Variants in NCAM2 observed in about 807,000 individuals in gnomAD.
NCAM2 encodes the protein neural cell adhesion molecule 2.
NCAM2 carries 30 observed loss-of-function variants against 98.1 expected under a neutral mutation model. The observed-to-expected ratio is 0.31, with a 90% CI of 0.23 to 0.41. The LOEUF is 0.41. Among genes scored for constraint, NCAM2 ranks in the 10% least tolerant of loss-of-function variants. The probability of loss-of-function intolerance (pLI) is 1.00; values close to 1 mark genes in which losing one functional copy is unlikely to be tolerated. For synonymous variants in NCAM2, 368 were observed against 342.4 expected (o/e 1.07, Z -0.83); for missense variants, 867 against 1,005.8 (o/e 0.86, Z 1.87).
intron 12 of NCAM2, among the ~76,000 whole-genome samples, chr21:21,438,254 A>T (rs961124985): frequency 6.6e-6 from 1 of 152,084 alleles, no homozygotes; most frequent in Non-Finnish European, 1.5e-5. Flanking sequence ...CACCACCCAG[A>T]AGTAATTATC....
chr21:21,353,325 C>A (rs887196833), intron 8 of NCAM2, among the ~76,000 whole-genome samples: 3 of 152,122 alleles, frequency 2.0e-5, no homozygotes, highest in African/African-American at 7.2e-5. Context: ...TTCCGTATAG[C>A]TACAAAGTTT....
At chr21:21,297,300 T>A (rs2147615052) in intron 5 of NCAM2, among the ~76,000 whole-genome samples, 1 of 151,878 alleles carries the variant, frequency 6.6e-6, no homozygotes, top group South Asian at 2.1e-4. Flanking sequence ...TATTTTCAGT[T>A]AGCTGGTTGC....
intron 11 of NCAM2, among the ~76,000 whole-genome samples, chr21:21,425,500 A>G (rs527783299): frequency 5.9e-5 from 9 of 152,292 alleles, no homozygotes; most frequent in African/African-American, 2.2e-4. Context: ...AGAAGAGTCA[A>G]GACATACTCA....
At chr21:21,022,310 CT>C (rs981526918) in intron 1 of NCAM2, among the ~76,000 whole-genome samples, 1 of 152,036 alleles carries the variant, frequency 6.6e-6, no homozygotes, top group African/African-American at 2.4e-5. Flanking sequence ...ATATACAACA[CT>C]TTCCTTCTCA....
chr21:21,334,726 A>G (rs2074811613), intron 6 of NCAM2, among the ~76,000 whole-genome samples: 1 of 152,148 alleles, frequency 6.6e-6, no homozygotes, highest in Non-Finnish European at 1.5e-5. Context: ...TCATAGAAAT[A>G]GTTCAGATTT....
At chr21:21,391,146 C>T (rs749796967) in intron 9 of NCAM2, among the ~76,000 whole-genome samples, 65 of 152,120 alleles carry the variant, frequency 4.3e-4, no homozygotes, top group African/African-American at 1.4e-3. Context: ...TGAACACAGA[C>T]GTTCAAGACC....
At chr21:21,467,428 T>TATATATATATATATATCTTTA (rs1555902035) in intron 13 of NCAM2, among the ~76,000 whole-genome samples, 2,109 of 140,694 alleles carry the variant, frequency 0.015, 28 homozygotes, top group Non-Finnish European at 0.023. Flanking sequence ...ATATATCTTT[T>TATATATATATATATATCTTTA]TATATATATA....
At chr21:21,407,144 A>C (rs1400256889) in intron 9 of NCAM2, among the ~76,000 whole-genome samples, 1 of 152,196 alleles carries the variant, frequency 6.6e-6, no homozygotes, top group African/African-American at 2.4e-5. Context: ...GTGCTATGCA[A>C]GAGTCACATC....
At chr21:21,207,116 A>T (rs1307198260) in intron 1 of NCAM2, among the ~76,000 whole-genome samples, 2 of 152,178 alleles carry the variant, frequency 1.3e-5, no homozygotes, top group East Asian at 3.8e-4. Context: ...TAAAATGGAG[A>T]TGTAGTGCAA....
At position 21,530,146 on chromosome 21, in the gene NCAM2, T is replaced by A. The variant is rs1006986372; in HGVS notation, c.2283-4391T>A. On this transcript the variant is annotated intron_variant, in intron 16 of 17. Coordinates refer to ENST00000400546, the MANE Select transcript of NCAM2 (RefSeq NM_004540.5). Reference sequence around the variant, plus strand: ...TAATTATATATGATTTAATTTAATTTAATTATATATGATTTAATTTAATTT... The same window carrying A: ...TAATTATATATGATTTAATTTAATTAAATTATATATGATTTAATTTAATTT... Among the ~76,000 whole-genome samples, 1,086 of 142,032 alleles carry A rather than the reference T, an allele frequency of 7.6e-3. 18 individuals carry two copies. Among genetic ancestry groups the A allele is most frequent in the African/African-American group, 0.021 (831 of 38,846 alleles). 93.2% of individuals were successfully genotyped at this position (142,032 alleles called of 152,430 possible). A position where few individuals can be genotyped will look rare whatever the true frequency, so the allele number is the denominator to read the frequency against.
intron 12 of NCAM2, among the ~76,000 whole-genome samples, chr21:21,438,903 C>T (rs73214487): frequency 6.6e-6 from 1 of 151,756 alleles, no homozygotes; most frequent in African/African-American, 2.4e-5. Context: ...GGCAACAAAG[C>T]AAGACCCCGT....
intron 16 of NCAM2, among the ~76,000 whole-genome samples, chr21:21,527,693 A>G (rs930666030): frequency 6.6e-6 from 1 of 152,184 alleles, no homozygotes; most frequent in Non-Finnish European, 1.5e-5. Flanking sequence ...CATCTAGAAC[A>G]TTGACAACAC....
intron 5 of NCAM2, among the ~76,000 whole-genome samples, chr21:21,304,807 G>A (rs2073830698): frequency 6.6e-6 from 1 of 152,076 alleles, no homozygotes; most frequent in Non-Finnish European, 1.5e-5. Flanking sequence ...TCTCTCAGCA[G>A]TGTTCTTAAG....
At chr21:21,030,673 A>C (rs965108303) in intron 1 of NCAM2, among the ~76,000 whole-genome samples, 2 of 152,214 alleles carry the variant, frequency 1.3e-5, no homozygotes, top group African/African-American at 2.4e-5. Flanking sequence ...GACTTTTGAC[A>C]GTGCCTTCCT....
At chr21:21,364,619 T>C (rs2148009368) in intron 8 of NCAM2, among the ~76,000 whole-genome samples, 1 of 152,090 alleles carries the variant, frequency 6.6e-6, no homozygotes, top group South Asian at 2.1e-4. Context: ...CACATGTATA[T>C]ACATGTATAT....
intron 11 of NCAM2, among the ~76,000 whole-genome samples, chr21:21,427,627 TC>T (rs894527159): frequency 6.6e-6 from 1 of 152,178 alleles, no homozygotes; most frequent in Non-Finnish European, 1.5e-5. Context: ...TTAAAAAGTT[TC>T]AGTTATGCAA....
intron 16 of NCAM2, among the ~76,000 whole-genome samples, chr21:21,533,157 G>A (rs1989798912): frequency 2.1e-5 from 1 of 46,692 alleles, no homozygotes; most frequent in African/African-American, 7.7e-5. Context: ...TAGATTTGTT[G>A]TTTGCTTGCT....
At position 21,414,274 on chromosome 21, in the gene NCAM2, G is replaced by T. The variant is rs113607449; in HGVS notation, c.1383+3813G>T. 8.2e-3 allele frequency among the ~76,000 whole-genome samples: 1,254 copies of T among 152,182 alleles called. 16 individuals are homozygous for T. The highest frequency in any genetic ancestry group is 0.029 in the African/African-American group (1,201 of 41,504). ...GAACCCCTCAAAGTCATCCATGAGG[G>T]TTGGAATCAACTTCTTCCAAATTCT... On this transcript the variant is annotated intron_variant, in intron 10 of 17. Coordinates refer to ENST00000400546, the MANE Select transcript of NCAM2 (RefSeq NM_004540.5).
chr21:21,368,627 T>C (rs909410361), intron 8 of NCAM2, among the ~76,000 whole-genome samples: 3 of 151,904 alleles, frequency 2.0e-5, no homozygotes, highest in Non-Finnish European at 4.4e-5. Context: ...TGTGTTCTTA[T>C]ATGGTGCATG....
Sources: allele counts gnomAD v4.1 joint callset (sites outside exome capture counted in the v4.1 genomes callset), GRCh38; gene constraint gnomAD v4.1.1; transcripts MANE v1.5; gene names NCBI Gene and HGNC (gene_info 2026-07-23, HGNC 2026-07-21).